The following MMP17 variants were observed in gnomAD, a reference collection of about 807,000 sequenced individuals.
The protein encoded by MMP17 is matrix metallopeptidase 17.
In MMP17, 54 loss-of-function variants were observed where a neutral mutation model predicts 49.1. The ratio of observed to expected loss-of-function variants is 1.10; its 90% confidence interval spans 0.88 to 1.38. The LOEUF is 1.38. Among genes scored for constraint, MMP17 ranks in the 40% most tolerant of loss-of-function variants. The pLI, the probability that MMP17 is intolerant of heterozygous loss-of-function variation, is 0.00. For synonymous variants in MMP17, 397 were observed against 383.1 expected (o/e 1.04, Z -0.42); for missense variants, 837 against 853.7 (o/e 0.98, Z 0.24).
At position 131,851,490 on chromosome 12, in the gene MMP17, C is replaced by A; in HGVS notation, c.*216C>A. On this transcript the variant is annotated 3_prime_UTR_variant, in exon 10 of 10. Transcript: ENST00000360564. ...CCTAGTGAGGGACTGTGTTGACTGACGAGCCGAGGGGTGGCCGCTCCAGAA... is the reference window on the plus strand; with the variant it reads ...CCTAGTGAGGGACTGTGTTGACTGAAGAGCCGAGGGGTGGCCGCTCCAGAA... The A allele has an allele frequency of 2.4e-6, 1 of 418,914 alleles. No individual in the cohort carries two copies. The highest frequency in any genetic ancestry group is 4.1e-6 in the Non-Finnish European group (1 of 244,500). The allele number at this position is 418,914 out of a possible 1,614,324, so 25.9% of individuals were successfully genotyped here. A position where few individuals can be genotyped will look rare whatever the true frequency, so the allele number is the denominator to read the frequency against.
chr12:131,841,378 T>A (rs1887398699), intron 4 of MMP17, among the ~76,000 whole-genome samples: 1 of 152,208 alleles, frequency 6.6e-6, no homozygotes, highest in Non-Finnish European at 1.5e-5. Context: ...TGTGGCCTTA[T>A]GCAGAAAAGG....
chr12:131,838,940 C>G (rs1388184831), intron 3 of MMP17, among the ~76,000 whole-genome samples, 199 bp downstream of exon 3: 1 of 151,920 alleles, frequency 6.6e-6, no homozygotes, highest in African/African-American at 2.4e-5. Flanking sequence ...ACGGGGTCTC[C>G]GTGGAGGCGG....
Position 131,851,163 on chromosome 12 carries a change from A to C in MMP17, c.1701A>C (p.Ala567=). 1 of 1,512,436 alleles carries C rather than the reference A, an allele frequency of 6.6e-7. No homozygotes were observed. The highest frequency in any genetic ancestry group is 1.4e-5 in the African/African-American group (1 of 71,814). The allele number at this position is 1,512,436 out of a possible 1,614,324, so 93.7% of individuals were successfully genotyped here. A position where few individuals can be genotyped will look rare whatever the true frequency, so the allele number is the denominator to read the frequency against. ...GYEVCSCTSG[A]SSPPGAPGPL... The stretch of plus-strand genomic sequence containing the variant: ...AGGTCTGCTCATGCACCTCTGGGGC[A>C]TCCTCTCCCCCGGGGGCCCCAGGCC... Residue 567 remains alanine (A), a synonymous_variant, in exon 10 of 10, where the codon GCA becomes GCC. Transcript: ENST00000360564.
chr12:131,848,955 A>G (rs903544646), intron 8 of MMP17, among the ~76,000 whole-genome samples: 1 of 152,096 alleles, frequency 6.6e-6, no homozygotes, highest in African/African-American at 2.4e-5. Context: ...TCACGTGGTA[A>G]TTCTATTTTT....
chr12:131,849,538 C>T (rs1446957392), intron 8 of MMP17, among the ~76,000 whole-genome samples: 1 of 152,138 alleles, frequency 6.6e-6, no homozygotes, highest in Non-Finnish European at 1.5e-5. Context: ...TCGGTTTGGC[C>T]CGAGTTGTTG....
intron 1 of MMP17, among the ~76,000 whole-genome samples, chr12:131,828,953 G>T (rs541604833): frequency 2.0e-5 from 3 of 152,138 alleles, no homozygotes; most frequent in African/African-American, 7.2e-5. Context: ...CGGAGCCCGG[G>T]TCGCCGGCTT....
At chr12:131,829,201 C>T (rs1444919850) in intron 1 of MMP17, among the ~76,000 whole-genome samples, 1 of 152,222 alleles carries the variant, frequency 6.6e-6, no homozygotes, top group East Asian at 1.9e-4. Flanking sequence ...TGGACAAGGA[C>T]CTGGCCCTCA....
intron 8 of MMP17, among the ~76,000 whole-genome samples, chr12:131,847,066 C>A (rs962886358): frequency 6.7e-6 from 1 of 149,792 alleles, no homozygotes; most frequent in Admixed American, 6.7e-5. Flanking sequence ...GCACCATGAT[C>A]GTGCACTGCA....
chr12:131,847,208 C>T (rs528120678), intron 8 of MMP17, among the ~76,000 whole-genome samples: 3 of 151,728 alleles, frequency 2.0e-5, no homozygotes, highest in African/African-American at 4.8e-5. Flanking sequence ...GTCAGGAAAT[C>T]GAGACCATCC....
intron 3 of MMP17, chr12:131,840,266 G>A (rs1166283445): frequency 6.1e-6 from 2 of 326,612 alleles, no homozygotes; most frequent in South Asian, 7.9e-5. Flanking sequence ...GCAGGGGGAT[G>A]GGGCAGACGG....
chr12:131,838,006 G>A (rs1447953456), intron 1 of MMP17, 189 bp from the exon 2 acceptor site: 12 of 646,228 alleles, frequency 1.9e-5, no homozygotes, highest in South Asian at 3.3e-5. Flanking sequence ...CACAGCACCC[G>A]GCCAGGGACA....
chr12:131,835,804 C>T (rs983108149), intron 1 of MMP17, among the ~76,000 whole-genome samples: 1 of 152,206 alleles, frequency 6.6e-6, no homozygotes, highest in Non-Finnish European at 1.5e-5. Context: ...AACCATGAGG[C>T]ACAGTGGCCC....
intron 2 of MMP17, 57 bp from the exon 3 acceptor site, chr12:131,838,555 G>T: frequency 6.4e-7 from 1 of 1,556,406 alleles, no homozygotes; most frequent in Non-Finnish European, 8.7e-7. Context: ...GGATGCTCGG[G>T]ATCCTAGGGT....
At chr12:131,831,462 C>G (rs1886790084) in intron 1 of MMP17, among the ~76,000 whole-genome samples, 1 of 152,028 alleles carries the variant, frequency 6.6e-6, no homozygotes, top group Non-Finnish European at 1.5e-5. Context: ...CTCTGGGTTC[C>G]TGGCCCTCAG....
chr12:131,837,344 G>T (rs753504757), intron 1 of MMP17, among the ~76,000 whole-genome samples: 1 of 152,172 alleles, frequency 6.6e-6, no homozygotes, highest in Non-Finnish European at 1.5e-5. Context: ...GACACAGTCT[G>T]CAACTCCTGT....
rs765992207 is a variant in MMP17 at position 131,838,183 on chromosome 12, C to T, written c.160-12C>T. 6 of 1,609,612 alleles carry T rather than the reference C, an allele frequency of 3.7e-6. No individual in the cohort carries two copies. The highest frequency in any genetic ancestry group is 5.1e-6 in the Non-Finnish European group (6 of 1,177,932). ...CTCTGTTGCACCCCCTCACCCTGCT[C>T]TCTGCCCTCAGGAGTGGCTAAGCAG... On this transcript the variant is annotated splice_polypyrimidine_tract_variant and intron_variant, in intron 1 of 9. Coordinates refer to ENST00000360564, the MANE Select transcript of MMP17 (RefSeq NM_016155.7).
rs375177649 is a variant in MMP17, at chr12:131,830,575, G to A, written c.159+1922G>A. Among the ~76,000 whole-genome samples, 33 of 152,368 alleles carry A rather than the reference G, an allele frequency of 2.2e-4. 1 individual carries two copies. In the East Asian group the frequency reaches 4.8e-3, roughly 22 times the overall value. On this transcript the variant is annotated intron_variant, in intron 1 of 9. Transcript: ENST00000360564. ...CCAGGGGCGGGCGGCTTCCCCGCGG[G>A]GAGGGACGAGGAGGCCGGGATCTGG...
intron 5 of MMP17, among the ~76,000 whole-genome samples, chr12:131,842,049 G>A (rs1261923387): frequency 2.6e-5 from 4 of 152,194 alleles, no homozygotes; most frequent in African/African-American, 7.2e-5. Context: ...GGTTGATGGC[G>A]TCCCAGGCCT....
At chr12:131,844,926 G>C in intron 6 of MMP17, 192 bp from the exon 7 acceptor site, 1 of 601,270 alleles carries the variant, frequency 1.7e-6, no homozygotes, top group Non-Finnish European at 3.0e-6. Context: ...CGTAGATCTC[G>C]GCCCCCGCCC....
Sources: allele counts gnomAD v4.1 joint callset (sites outside exome capture counted in the v4.1 genomes callset), GRCh38; gene constraint gnomAD v4.1.1; transcripts MANE v1.5; gene names NCBI Gene and HGNC (gene_info 2026-07-23, HGNC 2026-07-21).